STARD13: variants seen among roughly 807,000 people sequenced by gnomAD.
The protein encoded by STARD13 is stAR-related lipid transfer protein 13.
Under a neutral mutation model 106.4 loss-of-function variants are expected in STARD13, and 62 were observed. The ratio of observed to expected loss-of-function variants is 0.58; its 90% CI spans 0.48 to 0.72. The LOEUF (loss-of-function observed/expected upper bound fraction) is 0.72. Among genes scored for constraint, STARD13 ranks in the 30% least tolerant of loss-of-function variants. The pLI is 0.00. For synonymous variants in STARD13, 565 were observed against 553.0 expected (o/e 1.02, Z -0.31); for missense variants, 1,387 against 1,424.0 (o/e 0.97, Z 0.42).
intron 1 of STARD13, among the ~76,000 whole-genome samples, chr13:33,321,985 C>CG: frequency 6.6e-6 from 1 of 152,276 alleles, no homozygotes; most frequent in South Asian, 2.1e-4. Context: ...TCAGAGTCTG[C>CG]GTCCTCTAAT....
At chr13:33,466,619 T>A in the STARD13 span, among the ~76,000 whole-genome samples, 1 of 152,366 alleles carries the variant, frequency 6.6e-6, no homozygotes, top group Non-Finnish European at 1.5e-5. Context: ...TGCTTACTAT[T>A]TATTTGTATT....
chr13:33,285,750 A>G lies in STARD13; in HGVS notation c.-112T>C. 3 of 1,492,244 alleles carry G rather than the reference A, an allele frequency of 2.0e-6. No homozygotes were observed. The highest frequency in any genetic ancestry group is 2.7e-6 in the Non-Finnish European group (3 of 1,127,194). The allele number at this position is 1,492,244 out of a possible 1,614,324, so 92.4% of individuals were successfully genotyped here. A position where few individuals can be genotyped will look rare whatever the true frequency, so the allele number is the denominator to read the frequency against. ...CCAGGACAGCTCAACAGACCCAGCG[A>G]TTTTTAAAAAGAAAGAGGAGTGCCA... On this transcript the variant is annotated 5_prime_UTR_variant, in exon 1 of 14. Transcript: ENST00000336934.
Position 33,127,864 on chromosome 13 carries a change from A to AGT in STARD13, c.1749-320_1749-319dup, listed in dbSNP as rs1169872723. On this transcript the variant is annotated intron_variant, in intron 5 of 13. Coordinates refer to ENST00000336934, the MANE Select transcript of STARD13 (RefSeq NM_178006.4). ...AGCTGAGACAGTGTGTGTGTGAGTG[A>AGT]GTGTGTGTGTGTGTGTATGTGAGAG... 7.7e-4 allele frequency among the ~76,000 whole-genome samples: 78 copies of AGT among 101,940 alleles called. 2 individuals carry two copies. The East Asian group carries it at 0.013, about 17-fold the overall frequency. The allele number at this position is 101,940 out of a possible 152,430, so 66.9% of individuals were successfully genotyped here.
the STARD13 span, among the ~76,000 whole-genome samples, chr13:33,571,737 C>T: frequency 1.3e-5 from 2 of 152,288 alleles, no homozygotes; most frequent in Admixed American, 6.5e-5. Context: ...GAGATGTAGC[C>T]TGCTTTGTAC....
chr13:33,257,151 G>C (rs375313907), intron 1 of STARD13, among the ~76,000 whole-genome samples: 1 of 152,226 alleles, frequency 6.6e-6, no homozygotes, highest in East Asian at 1.9e-4. Flanking sequence ...TTGACATATA[G>C]AACTGGAAAA....
chr13:33,604,489 T>A, the STARD13 span, among the ~76,000 whole-genome samples: 4 of 152,228 alleles, frequency 2.6e-5, no homozygotes, highest in East Asian at 5.8e-4. Context: ...TAGAAAAGAA[T>A]AGAATAACTT....
intron 1 of STARD13, among the ~76,000 whole-genome samples, chr13:33,220,786 T>C (rs1888315093): frequency 6.6e-6 from 1 of 152,254 alleles, no homozygotes; most frequent in African/African-American, 2.4e-5. Flanking sequence ...CTGATTCTAA[T>C]GGATTACACT....
intron 8 of STARD13, among the ~76,000 whole-genome samples, chr13:33,116,808 A>C (rs756181376): frequency 6.6e-5 from 10 of 152,204 alleles, no homozygotes; most frequent in Non-Finnish European, 1.2e-4. Context: ...AAAAACTAAT[A>C]TTTACTTAGT....
At chr13:33,249,667 T>C (rs1889998225) in intron 1 of STARD13, among the ~76,000 whole-genome samples, 1 of 152,332 alleles carries the variant, frequency 6.6e-6, no homozygotes, top group Middle Eastern at 3.4e-3. Context: ...TTAATACAGG[T>C]ATAGTTGGTA....
At chr13:33,377,929 G>A in the STARD13 span, among the ~76,000 whole-genome samples, 2 of 152,116 alleles carry the variant, frequency 1.3e-5, no homozygotes, top group African/African-American at 2.4e-5. Context: ...ACAAGGTCCT[G>A]TTATTAAAGC....
intron 1 of STARD13, chr13:33,188,078 T>A (rs1355512639): frequency 6.6e-6 from 1 of 152,268 alleles, no homozygotes; most frequent in Admixed American, 6.5e-5. Context: ...TCCTGGTTGC[T>A]GGGCCATGGG....
At chr13:33,135,291 C>G (rs539018077) in intron 4 of STARD13, among the ~76,000 whole-genome samples, 2 of 152,278 alleles carry the variant, frequency 1.3e-5, no homozygotes, top group South Asian at 4.1e-4. Context: ...GAAGTAAAAC[C>G]ATTTGTCACC....
intron 3 of STARD13, among the ~76,000 whole-genome samples, chr13:33,144,557 C>T (rs1880275278): frequency 6.6e-6 from 1 of 152,228 alleles, no homozygotes; most frequent in Admixed American, 6.5e-5. Context: ...TCATTTTCAA[C>T]CACCTCCAAT....
At chr13:33,599,121 C>T in the STARD13 span, among the ~76,000 whole-genome samples, 5,538 of 152,210 alleles carry the variant, frequency 0.036, 259 homozygotes, top group African/African-American at 0.099. Context: ...TATCATATTG[C>T]GCTGGGTTTT....
the STARD13 span, among the ~76,000 whole-genome samples, chr13:33,499,737 C>G: frequency 7.0e-6 from 1 of 142,262 alleles, no homozygotes; most frequent in Admixed American, 7.3e-5. Flanking sequence ...CTCCCTCTCC[C>G]TCTCCCTCTT....
At chr13:33,552,071 G>A in the STARD13 span, among the ~76,000 whole-genome samples, 1 of 152,114 alleles carries the variant, frequency 6.6e-6, no homozygotes, top group Non-Finnish European at 1.5e-5. Context: ...ATTTCATAAT[G>A]ATAAGGGGGT....
At chr13:33,135,553 T>C (rs1245521604) in intron 4 of STARD13, among the ~76,000 whole-genome samples, 1 of 152,176 alleles carries the variant, frequency 6.6e-6, no homozygotes, top group Non-Finnish European at 1.5e-5. Context: ...TTTATAATTA[T>C]AAGAATTGGC....
At chr13:33,618,027 A>C in the STARD13 span, among the ~76,000 whole-genome samples, 2 of 152,226 alleles carry the variant, frequency 1.3e-5, no homozygotes, top group Admixed American at 1.3e-4. Context: ...AAGATGCAAC[A>C]GCAAAGTTTC....
intron 3 of STARD13, among the ~76,000 whole-genome samples, chr13:33,150,088 C>A (rs958788895): frequency 6.6e-6 from 1 of 152,198 alleles, no homozygotes; most frequent in South Asian, 2.1e-4. Context: ...ATAATTTATT[C>A]TTCTTCTAAT....
Sources: allele counts gnomAD v4.1 joint callset (sites outside exome capture counted in the v4.1 genomes callset), GRCh38; gene constraint gnomAD v4.1.1; transcripts MANE v1.5; gene names NCBI Gene and HGNC (gene_info 2026-07-23, HGNC 2026-07-21).